ASZ1: variants seen among roughly 807,000 people sequenced by gnomAD.
The protein encoded by ASZ1 is ankyrin repeat, SAM and basic leucine zipper domain-containing protein 1.
ASZ1 carries 67 observed loss-of-function variants against 61.8 expected under a neutral mutation model. That is an observed-to-expected ratio of 1.08 (90% CI 0.89 to 1.33). The LOEUF (loss-of-function observed/expected upper bound fraction) is 1.33, where lower values mean the gene tolerates loss of function less well. Among genes scored for constraint, ASZ1 ranks in the 40% most tolerant of loss-of-function variants. The probability of loss-of-function intolerance (pLI) is 0.00; values close to 1 mark genes in which losing one functional copy is unlikely to be tolerated. For synonymous variants in ASZ1, 193 were observed against 192.7 expected, an observed-to-expected ratio of 1.00 and a Z score of -0.01; for missense variants, 577 against 554.5, an observed-to-expected ratio of 1.04 and a Z score of -0.41.
Position 117,367,234 on chromosome 7 carries a change from T to C in ASZ1, c.1275+118A>G, listed in dbSNP as rs1466267158. On this transcript the variant is annotated intron_variant, in intron 12 of 12. Transcript: ENST00000284629. ...TTCTTCCTTTGGAAACTGTCCTTTT[T>C]CCCACTTGTCTAAGTGTTCCATTTG... The C allele has an allele frequency of 9.2e-6, 7 of 763,864 alleles. No homozygotes were observed. In the African/African-American group the frequency reaches 1.1e-4, roughly 12 times the overall value. The allele number at this position is 763,864 out of a possible 1,614,324, so 47.3% of individuals were successfully genotyped here.
intron 4 of ASZ1, among the ~76,000 whole-genome samples, chr7:117,392,340 A>G (rs1427739936): frequency 6.6e-6 from 1 of 152,176 alleles, no homozygotes; most frequent in East Asian, 1.9e-4. Flanking sequence ...ATTCTAAAAA[A>G]GGAATGGAAA....
At chr7:117,381,446 A>G (rs938688255) in intron 8 of ASZ1, among the ~76,000 whole-genome samples, 17 of 152,126 alleles carry the variant, frequency 1.1e-4, no homozygotes, top group African/African-American at 3.9e-4. Context: ...ATAGGGAGAC[A>G]TTTCAAGATT....
chr7:117,368,900 A>G (rs1047250922), intron 10 of ASZ1, among the ~76,000 whole-genome samples, 183 bp from the exon 11 acceptor site: 31 of 152,292 alleles, frequency 2.0e-4, no homozygotes, highest in African/African-American at 6.5e-4. Context: ...CAAACCTCCA[A>G]TCCCGAGGAT....
Position 117,366,257 on chromosome 7 carries a change from C to T in ASZ1, c.1275+1095G>A, listed in dbSNP as rs781571847. 1.0e-3 allele frequency among the ~76,000 whole-genome samples: 156 copies of T among 150,648 alleles called. 1 individual carries two copies. Among genetic ancestry groups the T allele is most frequent in the Non-Finnish European group, 8.7e-4 (59 of 67,766 alleles). On this transcript the variant is annotated intron_variant, in intron 12 of 12. Transcript: ENST00000284629. The stretch of plus-strand genomic sequence containing the variant: ...CCAGCCTGGGCAATGGAGTGAGACT[C>T]AGTATCAAAAAAGAAAAAAAAAAGA...
intron 4 of ASZ1, among the ~76,000 whole-genome samples, chr7:117,405,623 T>C (rs1400626874): frequency 6.6e-6 from 1 of 152,218 alleles, no homozygotes; most frequent in East Asian, 1.9e-4. Flanking sequence ...GCGTTTCCCT[T>C]GTGGATTTCC....
chr7:117,403,840 C>T (rs772462668), intron 4 of ASZ1, among the ~76,000 whole-genome samples: 12 of 152,076 alleles, frequency 7.9e-5, no homozygotes, highest in Non-Finnish European at 1.3e-4. Flanking sequence ...GGCAGGTGAG[C>T]GAGCATTACC....
chr7:117,369,052 C>A (rs775992472), intron 10 of ASZ1, among the ~76,000 whole-genome samples: 1 of 152,064 alleles, frequency 6.6e-6, no homozygotes, highest in Non-Finnish European at 1.5e-5. Flanking sequence ...TTTGTTATTT[C>A]TTTTGATTTT....
At chr7:117,390,870 A>G (rs1019017189) in intron 4 of ASZ1, among the ~76,000 whole-genome samples, 1 of 151,872 alleles carries the variant, frequency 6.6e-6, no homozygotes, top group African/African-American at 2.4e-5. Context: ...CACCTGGCTA[A>G]TTTTTGTATT....
At chr7:117,414,661 A>AT (rs1379023568) in intron 4 of ASZ1, among the ~76,000 whole-genome samples, 2 of 151,972 alleles carry the variant, frequency 1.3e-5, no homozygotes, top group Non-Finnish European at 2.9e-5. Flanking sequence ...AGGCCCTGGT[A>AT]TGTGATGTTC....
At chr7:117,417,347 A>C (rs562826057) in intron 4 of ASZ1, among the ~76,000 whole-genome samples, 19 of 152,164 alleles carry the variant, frequency 1.2e-4, no homozygotes, top group Non-Finnish European at 2.4e-4. Flanking sequence ...ATTGCTCAAC[A>C]AAAAAGGCTA....
chr7:117,383,097 A>G lies in ASZ1; in HGVS notation c.701T>C (p.Leu234Pro). The change falls in exon 7 of 13, where the codon CTT (leucine) becomes CCT (proline). Residue 234 changes from leucine (L) to proline (P), a missense_variant. Coordinates refer to ENST00000284629, the MANE Select transcript of ASZ1 (RefSeq NM_130768.3). The part of the protein sequence containing the change: ...RNKHHEIFNL[L>P]SFTLNPLEGK... ...TTCCAATGGATTTAAAGTAAAAGAA[A>G]GTAAGTTGAAGATCTGAAAAAAGTT... 3 of 1,561,660 alleles carry G rather than the reference A, an allele frequency of 1.9e-6. No individual in the cohort carries two copies. Among genetic ancestry groups the G allele is most frequent in the Non-Finnish European group, 2.6e-6 (3 of 1,157,974 alleles).
intron 4 of ASZ1, among the ~76,000 whole-genome samples, chr7:117,414,596 CT>C (rs1400371828): frequency 1.3e-5 from 2 of 152,096 alleles, no homozygotes; most frequent in Admixed American, 1.3e-4. Flanking sequence ...AACCCGTCAC[CT>C]ACATTAAGTA....
intron 2 of ASZ1, among the ~76,000 whole-genome samples, chr7:117,425,477 C>T (rs1797184363): frequency 6.6e-6 from 1 of 151,772 alleles, no homozygotes; most frequent in South Asian, 2.1e-4. Context: ...ACTGTGTTAG[C>T]CAGGATGGTC....
intron 2 of ASZ1, 33 bp downstream of exon 2, chr7:117,426,803 T>C: frequency 1.9e-6 from 3 of 1,538,642 alleles, no homozygotes; most frequent in Non-Finnish European, 2.6e-6. Context: ...TTAAGACAGC[T>C]GTGTTCAGAT....
intron 8 of ASZ1, 68 bp downstream of exon 8, chr7:117,382,001 T>G: frequency 2.0e-6 from 2 of 1,010,722 alleles, no homozygotes; most frequent in Admixed American, 4.0e-5. Context: ...TGAATTAATA[T>G]CTAACATTAT....
intron 4 of ASZ1, among the ~76,000 whole-genome samples, chr7:117,416,742 G>C (rs989565384): frequency 1.3e-5 from 2 of 152,098 alleles, no homozygotes; most frequent in Non-Finnish European, 2.9e-5. Context: ...CTGAAAATCT[G>C]AGTATTTTAA....
At chr7:117,409,326 T>C (rs1241487103) in intron 4 of ASZ1, among the ~76,000 whole-genome samples, 1 of 151,964 alleles carries the variant, frequency 6.6e-6, no homozygotes, top group African/African-American at 2.4e-5. Flanking sequence ...AGGAAAGAAT[T>C]TATTTTAAAA....
chr7:117,425,936 A>G (rs1356723439), intron 2 of ASZ1, among the ~76,000 whole-genome samples: 1 of 152,094 alleles, frequency 6.6e-6, no homozygotes, highest in Admixed American at 6.5e-5. Context: ...TGGAGGTTGC[A>G]GTGAGCGAAG....
chr7:117,398,512 G>A (rs1796617394), intron 4 of ASZ1, among the ~76,000 whole-genome samples: 1 of 152,180 alleles, frequency 6.6e-6, no homozygotes, highest in African/African-American at 2.4e-5. Flanking sequence ...ATAAAAGAGA[G>A]AAGTATCTCT....
Sources: gnomAD v4.1 joint callset for allele counts (sites outside exome capture counted in the v4.1 genomes callset) on GRCh38, gnomAD v4.1.1 for gene constraint, MANE v1.5 for transcripts, NCBI Gene and HGNC (gene_info 2026-07-23, HGNC 2026-07-21) for gene names.